MYBBP1A: variants seen among roughly 807,000 people sequenced by gnomAD.
The protein encoded by MYBBP1A is myb-binding protein 1A.
A neutral mutation model predicts 136.3 loss-of-function variants in MYBBP1A; 147 were observed. That is an observed-to-expected ratio of 1.08 (90% confidence interval 0.94 to 1.24). The LOEUF (loss-of-function observed/expected upper bound fraction) is 1.24. MYBBP1A is among the 50% of genes most tolerant of loss of function. MYBBP1A has a pLI of 0.00. For missense variants in MYBBP1A, 2,060 were observed against 1,727.4 expected (o/e 1.19, Z -3.41); for synonymous variants, 947 against 735.8 (o/e 1.29, Z -4.65).
rs1341303037 is a variant in MYBBP1A at position 4,550,303 on chromosome 17, G to A, written c.1074C>T (p.Thr358=). The A allele has an allele frequency of 3.1e-6, 5 of 1,613,230 alleles. No individual in the cohort carries two copies. Among genetic ancestry groups the A allele is most frequent in the Admixed American group, 1.7e-5 (1 of 60,024 alleles). Residue 358 remains threonine (T), a synonymous_variant, in exon 9 of 26, where the codon ACC becomes ACT. Coordinates refer to ENST00000254718, the MANE Select transcript of MYBBP1A (RefSeq NM_014520.4). ...FAPEMDDYVG[T]FLEGCQDDPE... Reference sequence around the variant, plus strand: ...GGTCATCCTGGCACCCCTCTAGGAAGGTGCCCACGTAATCGTCCATCTCTG... The same window carrying A: ...GGTCATCCTGGCACCCCTCTAGGAAAGTGCCCACGTAATCGTCCATCTCTG...
chr17:4,540,203 A>G (rs1333933272), intron 25 of MYBBP1A, 145 bp downstream of exon 25: 2 of 1,279,152 alleles, frequency 1.6e-6, no homozygotes, highest in Non-Finnish European at 2.1e-6. Flanking sequence ...CACATCTGAG[A>G]ATGCGCTTGA....
rs1285849564 is a variant in MYBBP1A at position 4,545,626 on chromosome 17, A to G, written c.2057T>C (p.Leu686Pro). 6.3e-6 allele frequency: 10 copies of G among 1,592,904 alleles called. No individual in the cohort carries two copies. The highest frequency in any genetic ancestry group is 6.9e-6 in the Non-Finnish European group (8 of 1,166,108). The change falls in exon 15 of 26, where the codon CTG becomes CCG. Residue 686 changes from leucine (L) to proline (P), a missense_variant. Transcript: ENST00000254718. The part of the protein sequence containing the change: ...HICSHLTPRA[L>P]QLILDVLNPE... ...CCAACTCACATCCAGAATTAGCTGC[A>G]GGGCACGCGGGGTCAGGTGGGAGCA... is the stretch of plus-strand genomic sequence containing the variant.
chr17:4,544,656 G>A lies in MYBBP1A; in HGVS notation c.2482-10C>T, dbSNP rs1398652815. On this transcript the variant is annotated splice_polypyrimidine_tract_variant and intron_variant, in intron 18 of 25. Transcript: ENST00000254718. Reference sequence around the variant, plus strand: ...CCACCAGGTCCAGCACCTGCAGCCAGGAGGGCAGGTCAGCAACACGGGGGT... The same window carrying A: ...CCACCAGGTCCAGCACCTGCAGCCAAGAGGGCAGGTCAGCAACACGGGGGT... 6.4e-7 allele frequency: 1 copy of A among 1,570,304 alleles called. No individual in the cohort carries two copies. The highest frequency in any genetic ancestry group is 8.7e-7 in the Non-Finnish European group (1 of 1,155,598).
chr17:4,544,370 G>A (rs1436449187), intron 19 of MYBBP1A, 119 bp downstream of exon 19: 6 of 1,346,260 alleles, frequency 4.5e-6, no homozygotes, highest in Admixed American at 4.6e-5. Flanking sequence ...TGCGAGCTAG[G>A]GGCCCAGGCT....
In MYBBP1A at chr17:4,545,672, G is replaced by A. The variant is rs139356015; in HGVS notation, c.2011C>T (p.Arg671Trp). 6,304 of 1,611,352 alleles carry A rather than the reference G, an allele frequency of 3.9e-3. 35 individuals carry two copies. Among genetic ancestry groups the A allele is most frequent in the South Asian group, 0.016 (1,478 of 90,932 alleles). The change falls in exon 15 of 26, where the codon CGG becomes TGG. Residue 671 changes from arginine (R) to tryptophan (W), a missense_variant. By Grantham distance (101) the Arg-to-Trp change is moderately radical. Transcript: ENST00000254718. ...GAGCAGATGTGGCCAAACACGCTCC[G>A]GGCCACCTGGCGCATGAGGTGGCTG... Reference protein sequence around the residue: ...QPSHLMRQVARSVFGHICSHL... With the variant: ...QPSHLMRQVAWSVFGHICSHL...
chr17:4,554,120 T>C (rs771724269), intron 3 of MYBBP1A, 27 bp from the exon 4 acceptor site: 4 of 1,613,764 alleles, frequency 2.5e-6, no homozygotes, highest in Non-Finnish European at 3.4e-6. Context: ...GGCACAGGCA[T>C]GAGGGGCCCT....
intron 23 of MYBBP1A, 64 bp downstream of exon 23, chr17:4,541,718 CCA>C (rs1202594975): frequency 4.0e-6 from 6 of 1,514,022 alleles, no homozygotes; most frequent in Non-Finnish European, 5.5e-6. Context: ...CACTTCTTTC[CCA>C]GAGATCGGTC....
chr17:4,540,268 T>TGTGTGTGCA lies in MYBBP1A; in HGVS notation c.3434+79_3434+80insTGCACACAC, dbSNP rs1567602330. The TGTGTGTGCA allele has an allele frequency of 2.1e-5, 32 of 1,489,880 alleles. No individual in the cohort carries two copies. In the African/African-American group the frequency reaches 3.3e-4, roughly 16 times the overall value. 92.3% of individuals were successfully genotyped at this position (1,489,880 alleles called of 1,614,324 possible). A position where few individuals can be genotyped will look rare whatever the true frequency, so the allele number is the denominator to read the frequency against. On this transcript the variant is annotated intron_variant, in intron 25 of 25. Coordinates refer to ENST00000254718, the MANE Select transcript of MYBBP1A (RefSeq NM_014520.4). ...CAGTGTGCGTGTGCAGCAGCGTGTG[T>TGTGTGTGCA]GCAGCGTGTGTGTGTGTGCAGCAGC... is the stretch of plus-strand genomic sequence containing the variant.
At position 4,552,131 on chromosome 17, in the gene MYBBP1A, G is replaced by A; in HGVS notation, c.899C>T (p.Pro300Leu). Residue 300 changes from proline (P) to leucine (L), a missense_variant, in exon 7 of 26, where the codon CCA (proline) becomes CTA (leucine). By Grantham distance (98) the Pro-to-Leu change is moderately conservative (BLOSUM62 -3). Coordinates refer to ENST00000254718, the MANE Select transcript of MYBBP1A (RefSeq NM_014520.4). The surrounding 1 kb of genome is among the most constrained non-coding windows in gnomAD (Gnocchi z 4.7). ...EQGLLKMQFWPASYLCFRLLG... is the reference protein window; with the variant it reads ...EQGLLKMQFWLASYLCFRLLG... Reference sequence around the variant, plus strand: ...GGACACGCGTCGCCCGCACCTGGCTGGCCAGAACTGCATCTTCAGCAGCCC... The same window carrying A: ...GGACACGCGTCGCCCGCACCTGGCTAGCCAGAACTGCATCTTCAGCAGCCC... The A allele has an allele frequency of 1.2e-6, 2 of 1,613,986 alleles. No individual in the cohort carries two copies. The highest frequency in any genetic ancestry group is 1.1e-5 in the South Asian group (1 of 91,072).
Position 4,544,528 on chromosome 17 carries a change from T to G in MYBBP1A, c.2600A>C (p.Gln867Pro), listed in dbSNP as rs1326366254. 1 of 1,554,744 alleles carries G rather than the reference T, an allele frequency of 6.4e-7. No individual in the cohort carries two copies. The highest frequency in any genetic ancestry group is 1.9e-5 in the Admixed American group (1 of 51,544). ...CGTCTTGTGCAGAAGGTCCTGCTCC[T>G]GTTTGGAGCTGCTGCTGCGCAGGCT... ...RRSLRSSSSK[Q>P]EQDLLHKTAR... Residue 867 changes from glutamine to proline, a missense_variant, in exon 19 of 26, where the codon CAG (glutamine) becomes CCG (proline). Physicochemically the swap from Gln to Pro is moderately conservative, Grantham distance 76 (BLOSUM62 -1). Coordinates refer to ENST00000254718, the MANE Select transcript of MYBBP1A (RefSeq NM_014520.4).
Position 4,541,465 on chromosome 17 carries a change from C to T in MYBBP1A, c.3295G>A (p.Glu1099Lys). 1 of 1,613,024 alleles carries T rather than the reference C, an allele frequency of 6.2e-7. No individual in the cohort carries two copies. Among genetic ancestry groups the T allele is most frequent in the Non-Finnish European group, 8.5e-7 (1 of 1,179,868 alleles). Residue 1099 changes from glutamate (E) to lysine (K), a missense_variant and splice_region_variant, in exon 24 of 26, where the codon GAG becomes AAG. Transcript: ENST00000254718. ...LNVLFRTCKH[E>K]KLTLDLTVLL... is the part of the protein sequence containing the mutation. ...CGCGGACTGGGCCCCCGCCTCACCT[C>T]ATGTTTGCAGGTCCTGAAGAGAACG...
chr17:4,542,738 C>T lies in MYBBP1A; in HGVS notation c.2896G>A (p.Ala966Thr). The T allele has an allele frequency of 6.2e-7, 1 of 1,613,128 alleles. No homozygotes were observed. Among genetic ancestry groups the T allele is most frequent in the African/African-American group, 1.3e-5 (1 of 75,040 alleles). Residue 966 changes from alanine to threonine, a missense_variant, in exon 21 of 26, where the codon GCC (alanine) becomes ACC (threonine). Transcript: ENST00000254718. Reference sequence around the variant, plus strand: ...ACCAGGTTCAAGTCCAAGCAGCTGGCAGCCTAGGCCAGGGGAGAGCGAGCT... The same window carrying T: ...ACCAGGTTCAAGTCCAAGCAGCTGGTAGCCTAGGCCAGGGGAGAGCGAGCT... ...PSHMPTGPQAASCLDLNLVTR... is the reference protein window; with the variant it reads ...PSHMPTGPQATSCLDLNLVTR...
In MYBBP1A at chr17:4,554,255, G is replaced by C; in HGVS notation, c.318C>G (p.Leu106=). The change falls in exon 3 of 26, where the codon CTC becomes CTG. Residue 106 remains leucine, a synonymous_variant. Transcript: ENST00000254718. ...LAQLLQSFED[L]PLCSILQQIQ... is the part of the protein sequence containing the mutation. The stretch of plus-strand genomic sequence containing the variant: ...TCTGCTGCAGGATGCTGCACAAGGG[G>C]AGGTCTTCAAAAGACTGTAACAGCT... The C allele has an allele frequency of 6.2e-7, 1 of 1,614,060 alleles. No individual in the cohort carries two copies.
chr17:4,541,769 C>T lies in MYBBP1A; in HGVS notation c.3195+15G>A. On this transcript the variant is annotated intron_variant, in intron 23 of 25. Transcript: ENST00000254718. ...ATTCTGAGGGGGTGGGGAAAGGGCG[C>T]CCCCCGGCTGTTACCTCGGTGACCT... The T allele has an allele frequency of 2.5e-6, 4 of 1,606,822 alleles. No individual in the cohort carries two copies. Among genetic ancestry groups the T allele is most frequent in the Non-Finnish European group, 2.6e-6 (3 of 1,174,002 alleles).
chr17:4,548,260 T>TG lies in MYBBP1A; in HGVS notation c.1606dup (p.Gln536ProfsTer80). ...GTGGTAGGTCCAGGGCTGCCCACCC[T>TG]GGGTCTGGCCCGGTGCCTGCTTGAA... On this transcript the variant is annotated frameshift_variant, in exon 12 of 26. Transcript: ENST00000254718. LOFTEE classifies it high-confidence loss of function. This position sits in a 1 kb window ranked among gnomAD's most constrained non-coding sequence, Gnocchi z 4.2. 2.5e-6 allele frequency: 4 copies of TG among 1,612,378 alleles called. No individual in the cohort carries two copies. The highest frequency in any genetic ancestry group is 3.4e-6 in the Non-Finnish European group (4 of 1,180,006).
intron 19 of MYBBP1A, chr17:4,543,433 G>A (rs1169438361): frequency 3.8e-6 from 2 of 521,712 alleles, no homozygotes. Flanking sequence ...CTGCCTGCCT[G>A]GGGCACCCCT....
Position 4,540,463 on chromosome 17 carries a change from C to T in MYBBP1A, c.3319G>A (p.Val1107Met), listed in dbSNP as rs762356900. ...TGCCCCTGCAGCACACCCAGGAGCA[C>T]CGTCAGGTCCAAGGTCAGCTTCTGC... ...KHEKLTLDLT[V>M]LLGVLQGQQQ... Residue 1107 changes from valine (V) to methionine (M), a missense_variant, in exon 25 of 26, where the codon GTG becomes ATG. Val to Met is a conservative substitution (Grantham distance 21). Transcript: ENST00000254718. The T allele has an allele frequency of 1.2e-6, 2 of 1,610,048 alleles. No homozygotes were observed. The highest frequency in any genetic ancestry group is 2.2e-5 in the East Asian group (1 of 44,846).
chr17:4,549,251 G>C, intron 10 of MYBBP1A, 81 bp downstream of exon 10: 1 of 1,218,366 alleles, frequency 8.2e-7, no homozygotes, highest in East Asian at 2.5e-5. Context: ...GGCTCCAGGG[G>C]ATGCAAACTA....
chr17:4,554,242 T>C lies in MYBBP1A; in HGVS notation c.331A>G (p.Ile111Val). Reference sequence around the variant, plus strand: ...TATTTTTCTTGTATCTGCTGCAGGATGCTGCACAAGGGGAGGTCTTCAAAA... The same window carrying C: ...TATTTTTCTTGTATCTGCTGCAGGACGCTGCACAAGGGGAGGTCTTCAAAA... Reference protein sequence around the residue: ...QSFEDLPLCSILQQIQEKYDL... With the variant: ...QSFEDLPLCSVLQQIQEKYDL... The change falls in exon 3 of 26, where the codon ATC (isoleucine) becomes GTC (valine). Residue 111 changes from isoleucine to valine, a missense_variant. Ile to Val is a conservative substitution (Grantham distance 29). Transcript: ENST00000254718. The C allele has an allele frequency of 6.2e-7, 1 of 1,614,104 alleles. No homozygotes were observed. The highest frequency in any genetic ancestry group is 1.1e-5 in the South Asian group (1 of 91,078).
Sources: gnomAD v4.1 joint callset for allele counts on GRCh38, gnomAD v4.1.1 for gene constraint, Gnocchi (gnomAD v3.1) non-coding constraint, MANE v1.5 for transcripts, NCBI Gene and HGNC (gene_info 2026-07-23, HGNC 2026-07-21) for gene names.